NUBPL: variants seen among roughly 807,000 people sequenced by gnomAD.
The protein encoded by NUBPL is NUBP iron-sulfur cluster assembly factor, mitochondrial, also known as iron-sulfur cluster transfer protein NUBPL.
In NUBPL, 31 loss-of-function variants were observed where a neutral mutation model predicts 45.7. That is an observed-to-expected ratio of 0.68 (90% CI 0.51 to 0.92). The LOEUF is 0.92. Ranked by LOEUF, NUBPL falls within the 40% of genes least tolerant of loss-of-function variation. NUBPL has a pLI of 0.00. For synonymous variants in NUBPL, 144 were observed against 140.9 expected, an observed-to-expected ratio of 1.02 and a Z score of -0.15; for missense variants, 401 against 398.7, an observed-to-expected ratio of 1.01 and a Z score of -0.05.
intron 6 of NUBPL, among the ~76,000 whole-genome samples, chr14:31,760,935 C>T (rs1287544625): frequency 1.3e-5 from 2 of 151,708 alleles, no homozygotes; most frequent in Non-Finnish European, 2.9e-5. Context: ...TGGCTCAAGT[C>T]GTCCTCCCAC....
rs191377637 is a variant in NUBPL, at chr14:31,841,376, T to A, written c.694-5095T>A. On this transcript the variant is annotated intron_variant, in intron 8 of 10. Coordinates refer to ENST00000281081, the MANE Select transcript of NUBPL (RefSeq NM_025152.3). ...AATTTTGTTTTTTGTTTAGTCATATTGATATTTCTTTTCTAATACAGTCTT... is the reference window on the plus strand; with the variant it reads ...AATTTTGTTTTTTGTTTAGTCATATAGATATTTCTTTTCTAATACAGTCTT... 2.5e-4 allele frequency among the ~76,000 whole-genome samples: 38 copies of A among 152,346 alleles called. No homozygotes were observed. The East Asian group carries it at 6.7e-3, about 27-fold the overall frequency.
At chr14:31,810,871 T>G (rs1266583609) in intron 7 of NUBPL, among the ~76,000 whole-genome samples, 3 of 152,204 alleles carry the variant, frequency 2.0e-5, no homozygotes, top group African/African-American at 7.2e-5. Flanking sequence ...TCTCCTTCCC[T>G]TATGAAGCTT....
intron 7 of NUBPL, among the ~76,000 whole-genome samples, chr14:31,793,485 A>C (rs1209062205): frequency 6.6e-6 from 1 of 152,198 alleles, no homozygotes; most frequent in Non-Finnish European, 1.5e-5. Flanking sequence ...CTTCATTCAA[A>C]ACCTGCATAC....
At chr14:31,727,593 A>T (rs1211051035) in intron 6 of NUBPL, among the ~76,000 whole-genome samples, 1 of 152,238 alleles carries the variant, frequency 6.6e-6, no homozygotes, top group Non-Finnish European at 1.5e-5. Flanking sequence ...TTAGTGTAGA[A>T]GTATGATCAT....
chr14:31,596,032 G>A (rs761330274), intron 3 of NUBPL, among the ~76,000 whole-genome samples: 5 of 151,204 alleles, frequency 3.3e-5, no homozygotes, highest in Non-Finnish European at 7.4e-5. Flanking sequence ...TCAGCCTCCC[G>A]AGTAGCTGGG....
intron 7 of NUBPL, among the ~76,000 whole-genome samples, chr14:31,788,380 C>G (rs2039322745): frequency 6.6e-6 from 1 of 152,182 alleles, no homozygotes; most frequent in South Asian, 2.1e-4. Context: ...TCCTGCCTGT[C>G]TCAAGTCTCT....
At chr14:31,736,355 T>A (rs1443044053) in intron 6 of NUBPL, among the ~76,000 whole-genome samples, 1 of 152,208 alleles carries the variant, frequency 6.6e-6, no homozygotes, top group African/African-American at 2.4e-5. Context: ...ACATTTTTAA[T>A]ATGTAGGAGG....
At chr14:31,842,235 C>T (rs111789490) in intron 8 of NUBPL, among the ~76,000 whole-genome samples, 234 of 151,814 alleles carry the variant, frequency 1.5e-3, no homozygotes, top group African/African-American at 5.3e-3. Flanking sequence ...CTGTTCTGGG[C>T]TCTTTATTCT....
chr14:31,831,839 G>A (rs533373283), intron 8 of NUBPL, among the ~76,000 whole-genome samples: 4 of 152,308 alleles, frequency 2.6e-5, no homozygotes, highest in Admixed American at 6.5e-5. Flanking sequence ...TGGATGGGAA[G>A]TAAACATCAT....
At chr14:31,591,074 T>G (rs961594411) in intron 3 of NUBPL, among the ~76,000 whole-genome samples, 3 of 152,206 alleles carry the variant, frequency 2.0e-5, no homozygotes, top group Admixed American at 2.0e-4. Context: ...TTTTTATATT[T>G]GAAACCCTAT....
intron 6 of NUBPL, among the ~76,000 whole-genome samples, chr14:31,726,003 C>A (rs1318715548): frequency 6.6e-6 from 1 of 152,080 alleles, no homozygotes; most frequent in Non-Finnish European, 1.5e-5. Context: ...AGCCACCGTG[C>A]CTGGTCCGAT....
intron 4 of NUBPL, among the ~76,000 whole-genome samples, chr14:31,612,169 T>G (rs2034776679): frequency 6.6e-6 from 1 of 152,226 alleles, no homozygotes; most frequent in Admixed American, 6.5e-5. Context: ...ACTACACATC[T>G]GACAAGACAT....
intron 6 of NUBPL, among the ~76,000 whole-genome samples, chr14:31,767,854 G>A (rs1255428018): frequency 6.6e-6 from 1 of 152,172 alleles, no homozygotes; most frequent in Non-Finnish European, 1.5e-5. Flanking sequence ...TCCAGCCTGG[G>A]CAAGAGTGAG....
intron 6 of NUBPL, among the ~76,000 whole-genome samples, chr14:31,685,603 T>TA (rs2036934927): frequency 6.6e-6 from 1 of 152,080 alleles, no homozygotes; most frequent in African/African-American, 2.4e-5. Flanking sequence ...AGGATTGTTT[T>TA]AAAAAATTAT....
At chr14:31,681,452 C>A (rs2036830816) in intron 6 of NUBPL, among the ~76,000 whole-genome samples, 1 of 149,198 alleles carries the variant, frequency 6.7e-6, no homozygotes, top group African/African-American at 2.4e-5. Context: ...ATTGTTCTTG[C>A]CAGATGTTTA....
At position 31,760,144 on chromosome 14, in the gene NUBPL, T is replaced by TGTGTGTGTGTGTGAGAGAGAGAGAGA; in HGVS notation, c.514-27635_514-27634insTGTGTGTGTGTGAGAGAGAGAGAGAG. Among the ~76,000 whole-genome samples the TGTGTGTGTGTGTGAGAGAGAGAGAGA allele has an allele frequency of 7.5e-4, 26 of 34,820 alleles. 1 individual carries two copies. Among genetic ancestry groups the TGTGTGTGTGTGTGAGAGAGAGAGAGA allele is most frequent in the African/African-American group, 2.1e-3 (19 of 9,244 alleles). The allele number at this position is 34,820 out of a possible 152,430, so 22.8% of individuals were successfully genotyped here. ...TGACTTTAGTGTGTGTGTGTGTGTG[T>TGTGTGTGTGTGTGAGAGAGAGAGAGA]GAGAGAGAGAGAGAGAGAGAGAGAG... On this transcript the variant is annotated intron_variant, in intron 6 of 10. Coordinates refer to ENST00000281081, the MANE Select transcript of NUBPL (RefSeq NM_025152.3).
chr14:31,611,735 A>C (rs1566446681), intron 4 of NUBPL, among the ~76,000 whole-genome samples: 2 of 151,902 alleles, frequency 1.3e-5, no homozygotes, highest in Non-Finnish European at 2.9e-5. Flanking sequence ...ACAGACGAAT[A>C]GAACCAAATA....
At chr14:31,641,749 G>C (rs1055610755) in intron 4 of NUBPL, among the ~76,000 whole-genome samples, 2 of 152,108 alleles carry the variant, frequency 1.3e-5, no homozygotes, top group African/African-American at 4.8e-5. Context: ...TTTTAAGGAA[G>C]CTCCACACTA....
intron 6 of NUBPL, among the ~76,000 whole-genome samples, chr14:31,682,495 C>T (rs1375164145): frequency 6.6e-6 from 1 of 151,992 alleles, no homozygotes; most frequent in Non-Finnish European, 1.5e-5. Context: ...AATTGGAATG[C>T]TTAGTTTATT....
Sources: allele counts gnomAD v4.1 joint callset (sites outside exome capture counted in the v4.1 genomes callset), GRCh38; gene constraint gnomAD v4.1.1; transcripts MANE v1.5; gene names NCBI Gene and HGNC (gene_info 2026-07-23, HGNC 2026-07-21).